SPATA9: variants seen among roughly 807,000 people sequenced by gnomAD.
SPATA9 encodes the protein spermatogenesis associated 9.
SPATA9 carries 27 observed loss-of-function variants against 25.5 expected under a neutral mutation model. That is an observed-to-expected ratio of 1.06 (90% confidence interval 0.78 to 1.46). SPATA9 has a LOEUF of 1.46. Ranked by LOEUF, SPATA9 falls within the 40% of genes most tolerant of loss-of-function variation. SPATA9 has a pLI of 0.00. For missense variants in SPATA9, 282 were observed against 297.5 expected (o/e 0.95, Z 0.38); for synonymous variants, 102 against 105.7 (o/e 0.97, Z 0.21).
At chr5:95,684,675 T>C (rs144954399), upstream of SPATA9, 7 of 152,338 alleles carry the variant, frequency 4.6e-5, no homozygotes, top group East Asian at 1.3e-3. Context: ...GCACTTACAT[T>C]ATGACCTTAT....
At chr5:95,702,419 T>C (rs1464615943), upstream of SPATA9, among the ~76,000 whole-genome samples, 2 of 152,110 alleles carry the variant, frequency 1.3e-5, no homozygotes, top group African/African-American at 2.4e-5. Flanking sequence ...GAGGCCTGAG[T>C]GTCCCCAGTT....
chr5:95,653,331 C>A, downstream of SPATA9: 1 of 1,407,788 alleles, frequency 7.1e-7, no homozygotes, highest in Non-Finnish European at 9.5e-7. Context: ...CCACCTTAGC[C>A]AAGAGGCTGA....
the SPATA9 span, among the ~76,000 whole-genome samples, chr5:95,709,067 C>T: frequency 2.0e-5 from 3 of 152,192 alleles, no homozygotes; most frequent in South Asian, 2.1e-4. Flanking sequence ...CCTTCAGAGC[C>T]GTTGGCATCG....
chr5:95,704,656 A>G, the SPATA9 span, among the ~76,000 whole-genome samples: 2 of 152,178 alleles, frequency 1.3e-5, no homozygotes, highest in African/African-American at 4.8e-5. Context: ...ATAAATAAAT[A>G]TATTGCCTTA....
downstream of SPATA9, chr5:95,652,475 T>A (rs975522776): frequency 9.9e-7 from 1 of 1,011,362 alleles, no homozygotes; most frequent in Non-Finnish European, 1.3e-6. Flanking sequence ...ATGTGTAAAA[T>A]ATATATAGCT....
At chr5:95,731,042 T>A in the SPATA9 span, 1 of 1,014,352 alleles carries the variant, frequency 9.9e-7, no homozygotes, top group Non-Finnish European at 1.3e-6. Flanking sequence ...TTCCTGGCTC[T>A]GGTTACGGCC....
intron 3 of SPATA9, among the ~76,000 whole-genome samples, chr5:95,667,895 G>A (rs1226094781): frequency 6.6e-6 from 1 of 152,086 alleles, no homozygotes; most frequent in African/African-American, 2.4e-5. Context: ...GAATTCTCAT[G>A]ATATCTAGTT....
chr5:95,656,820 C>T (rs1184525145), downstream of SPATA9: 1 of 152,668 alleles, frequency 6.6e-6, no homozygotes, highest in Non-Finnish European at 1.5e-5. Context: ...GATTTGCTAC[C>T]TCTCCTATTT....
chr5:95,718,549 A>G, the SPATA9 span, among the ~76,000 whole-genome samples: 8 of 152,238 alleles, frequency 5.3e-5, no homozygotes, highest in Non-Finnish European at 2.9e-5. Context: ...GACAGGGGTA[A>G]GTGAGAAGAC....
At chr5:95,683,350 G>A (rs1282349648), upstream of SPATA9, among the ~76,000 whole-genome samples, 1 of 152,106 alleles carries the variant, frequency 6.6e-6, no homozygotes, top group Non-Finnish European at 1.5e-5. Context: ...GGATCACTAG[G>A]TCAAACTCGG....
intron 2 of SPATA9, among the ~76,000 whole-genome samples, chr5:95,677,638 A>G (rs1371182070): frequency 6.6e-6 from 1 of 152,164 alleles, no homozygotes; most frequent in Non-Finnish European, 1.5e-5. Flanking sequence ...ACCAACAACA[A>G]CAAAAAAGCA....
At position 95,698,384 on chromosome 5, in the gene SPATA9, A is replaced by T. The variant is rs149800012; in HGVS notation, n.124+204T>A. 4.3e-3 allele frequency among the ~76,000 whole-genome samples: 655 copies of T among 152,294 alleles called. 6 individuals carry two copies. Among genetic ancestry groups the T allele is most frequent in the Middle Eastern group, 0.027 (8 of 294 alleles). On this transcript the variant is annotated intron_variant and non_coding_transcript_variant, in intron 1 of 2. Coordinates refer to the SPATA9 transcript ENST00000379990. ...CATCTGTGAAGGGAGCCAGTCTGAA[A>T]TTCTCACAGCAGGCTCCATCTGAAG... is the stretch of plus-strand genomic sequence containing the variant.
chr5:95,714,441 A>G, the SPATA9 span, among the ~76,000 whole-genome samples: 3 of 152,220 alleles, frequency 2.0e-5, no homozygotes, highest in Non-Finnish European at 4.4e-5. Flanking sequence ...TTGAAAAAAC[A>G]AAAGTGTTTT....
chr5:95,666,609 TAGTA>T (rs776237953), intron 3 of SPATA9, among the ~76,000 whole-genome samples: 57 of 152,154 alleles, frequency 3.7e-4, no homozygotes, highest in Non-Finnish European at 7.2e-4. Context: ...AGGTTCAAAA[TAGTA>T]AGCATAACAA....
At chr5:95,693,783 T>C (rs1456427662) in intron 1 of SPATA9, among the ~76,000 whole-genome samples, 2 of 152,222 alleles carry the variant, frequency 1.3e-5, no homozygotes, top group Non-Finnish European at 2.9e-5. Context: ...ATCTTAACAA[T>C]CTGTAGTCAT....
In SPATA9 at chr5:95,675,160, A is replaced by G. The variant is rs540717209; in HGVS notation, c.378+252T>C. Among the ~76,000 whole-genome samples, 7 of 152,334 alleles carry G rather than the reference A, an allele frequency of 4.6e-5. No individual in the cohort carries two copies. In the East Asian group the frequency reaches 1.2e-3, roughly 25 times the overall value. On this transcript the variant is annotated intron_variant, in intron 3 of 4. Transcript: ENST00000274432. Reference sequence around the variant, plus strand: ...AAGATTTCTGTTAGATTTAACATAAATGGTAATTTACATGCATATATTTAA... The same window carrying G: ...AAGATTTCTGTTAGATTTAACATAAGTGGTAATTTACATGCATATATTTAA...
downstream of SPATA9, chr5:95,656,615 G>T (rs1240161096): frequency 1.1e-5 from 2 of 179,842 alleles, no homozygotes; most frequent in Non-Finnish European, 2.3e-5. Context: ...AAAAATTAAG[G>T]ATTAGTAAGA....
At chr5:95,697,333 G>A (rs1449225418) in intron 1 of SPATA9, among the ~76,000 whole-genome samples, 1 of 152,130 alleles carries the variant, frequency 6.6e-6, no homozygotes, top group African/African-American at 2.4e-5. Context: ...TTACCATGTG[G>A]CCTCTCCATA....
chr5:95,707,680 C>G, the SPATA9 span, among the ~76,000 whole-genome samples: 2 of 152,116 alleles, frequency 1.3e-5, no homozygotes, highest in African/African-American at 4.8e-5. Context: ...AGTATCTTAT[C>G]AGTTAATTGC....
Sources: allele counts gnomAD v4.1 joint callset (sites outside exome capture counted in the v4.1 genomes callset), GRCh38; gene constraint gnomAD v4.1.1; transcripts MANE v1.5; gene names NCBI Gene and HGNC (gene_info 2026-07-23, HGNC 2026-07-21).